SUCLA2: variants seen among roughly 807,000 people sequenced by gnomAD.
SUCLA2 encodes succinate-CoA ligase ADP-forming subunit beta, also known as succinate--CoA ligase [ADP-forming] subunit beta, mitochondrial.
In SUCLA2, 30 loss-of-function variants were observed where a neutral mutation model predicts 54.8. The ratio of observed to expected loss-of-function variants is 0.55; its 90% CI spans 0.41 to 0.74. SUCLA2 has a LOEUF of 0.74. Ranked by LOEUF, SUCLA2 falls within the 30% of genes least tolerant of loss-of-function variation. The pLI, the probability that SUCLA2 is intolerant of heterozygous loss-of-function variation, is 0.00. For missense variants in SUCLA2, 476 were observed against 562.9 expected (o/e 0.85, Z 1.56); for synonymous variants, 172 against 188.9 (o/e 0.91, Z 0.74).
chr13:47,946,734 C>T (rs1949735324), intron 10 of SUCLA2, among the ~76,000 whole-genome samples: 1 of 151,942 alleles, frequency 6.6e-6, no homozygotes, highest in African/African-American at 2.4e-5. Context: ...GATATAATTG[C>T]TTTCAGTAAT....
At chr13:47,995,177 A>G (rs1425570823) in intron 2 of SUCLA2, among the ~76,000 whole-genome samples, 2 of 152,124 alleles carry the variant, frequency 1.3e-5, no homozygotes, top group Non-Finnish European at 2.9e-5. Flanking sequence ...CAACATAGTG[A>G]CCCTATCTCT....
chr13:47,993,496 A>C (rs1446110016), intron 2 of SUCLA2, among the ~76,000 whole-genome samples: 1 of 152,114 alleles, frequency 6.6e-6, no homozygotes, highest in Non-Finnish European at 1.5e-5. Context: ...CCTAACCTCA[A>C]TTATTCACAG....
At chr13:47,946,442 A>C (rs1256796978) in intron 10 of SUCLA2, among the ~76,000 whole-genome samples, 2 of 151,976 alleles carry the variant, frequency 1.3e-5, no homozygotes, top group African/African-American at 4.8e-5. Context: ...AAACAAACAA[A>C]AAAAAAAGGT....
intron 8 of SUCLA2, among the ~76,000 whole-genome samples, chr13:47,949,989 C>A (rs1949763522): frequency 6.6e-6 from 1 of 152,242 alleles, no homozygotes; most frequent in Non-Finnish European, 1.5e-5. Context: ...ATCATTTCCT[C>A]ATTTATCCCT....
At position 47,974,282 on chromosome 13, in the gene SUCLA2, C is replaced by T. The variant is rs372399273; in HGVS notation, c.535-890G>A. ...GAAAGTCTAAGCTCTAGCCCTACTGCAAGACAATAAAAAAGAAAGCTGGCC... is the reference window on the plus strand; with the variant it reads ...GAAAGTCTAAGCTCTAGCCCTACTGTAAGACAATAAAAAAGAAAGCTGGCC... On this transcript the variant is annotated intron_variant, in intron 4 of 10. Transcript: ENST00000646932. Among the ~76,000 whole-genome samples, 4 of 151,946 alleles carry T rather than the reference C, an allele frequency of 2.6e-5. No individual in the cohort carries two copies. The East Asian group carries it at 7.7e-4, about 29-fold the overall frequency.
rs879851196 is a variant in SUCLA2 at position 47,960,704 on chromosome 13, T to TA, written c.803-6148dup. ...GTGACATTCATTTGAATTAAGTAGT[T>TA]AAAAAAAAAAAAGAGAGACTTTCTA... is the stretch of plus-strand genomic sequence containing the variant. On this transcript the variant is annotated intron_variant, in intron 6 of 10. Coordinates refer to ENST00000646932, the MANE Select transcript of SUCLA2 (RefSeq NM_003850.3). Among the ~76,000 whole-genome samples, 940 of 143,858 alleles carry TA rather than the reference T, an allele frequency of 6.5e-3. 7 individuals carry two copies. The highest frequency in any genetic ancestry group is 0.016 in the African/African-American group (623 of 39,458). The allele number at this position is 143,858 out of a possible 152,430, so 94.4% of individuals were successfully genotyped here.
chr13:47,957,430 T>C (rs1267688878), intron 6 of SUCLA2, among the ~76,000 whole-genome samples: 1 of 151,668 alleles, frequency 6.6e-6, no homozygotes, highest in Non-Finnish European at 1.5e-5. Flanking sequence ...GGGCAGGGAG[T>C]CTCAGAAGCC....
intron 4 of SUCLA2, among the ~76,000 whole-genome samples, chr13:47,973,738 C>T (rs549839499): frequency 6.6e-6 from 1 of 152,286 alleles, no homozygotes; most frequent in African/African-American, 2.4e-5. Context: ...GGCACATATA[C>T]CATGGAATAC....
intron 4 of SUCLA2, among the ~76,000 whole-genome samples, chr13:47,981,643 C>T (rs956835280): frequency 2.6e-5 from 4 of 152,174 alleles, no homozygotes; most frequent in Non-Finnish European, 5.9e-5. Flanking sequence ...TAGTGAAACC[C>T]TGTCTCTACT....
intron 10 of SUCLA2, among the ~76,000 whole-genome samples, chr13:47,948,170 A>C (rs1431910325): frequency 6.6e-6 from 1 of 152,146 alleles, no homozygotes; most frequent in African/African-American, 2.4e-5. Context: ...GAAAATAATC[A>C]CAGTTGTGGG....
intron 6 of SUCLA2, among the ~76,000 whole-genome samples, chr13:47,960,216 T>C (rs1366252396): frequency 6.6e-6 from 1 of 152,162 alleles, no homozygotes; most frequent in Non-Finnish European, 1.5e-5. Flanking sequence ...TGTATACATA[T>C]ATATAAAACC....
chr13:47,951,295 A>C (rs1949773230), intron 8 of SUCLA2, among the ~76,000 whole-genome samples: 2 of 151,652 alleles, frequency 1.3e-5, no homozygotes, highest in African/African-American at 2.4e-5. Context: ...TTCTTCTTAA[A>C]AGCCTCTAGT....
chr13:47,982,503 A>AG (rs1950067839), intron 4 of SUCLA2, among the ~76,000 whole-genome samples: 1 of 151,468 alleles, frequency 6.6e-6, no homozygotes, highest in Non-Finnish European at 1.5e-5. Flanking sequence ...AATTAAAGAA[A>AG]AAAAAAGATT....
At chr13:47,944,435 A>C (rs898823868) in intron 10 of SUCLA2, among the ~76,000 whole-genome samples, 2 of 152,162 alleles carry the variant, frequency 1.3e-5, no homozygotes, top group Non-Finnish European at 2.9e-5. Context: ...GATCTATTTG[A>C]TCAAGGTCCT....
At chr13:47,957,486 G>T (rs936522092) in intron 6 of SUCLA2, among the ~76,000 whole-genome samples, 2 of 152,152 alleles carry the variant, frequency 1.3e-5, no homozygotes, top group Non-Finnish European at 2.9e-5. Flanking sequence ...GTGAGTGTCA[G>T]TCTCTCTCTG....
intron 6 of SUCLA2, among the ~76,000 whole-genome samples, chr13:47,956,368 A>C (rs1234399518): frequency 6.6e-6 from 1 of 151,978 alleles, no homozygotes; most frequent in Non-Finnish European, 1.5e-5. Flanking sequence ...TGCAGGAAGA[A>C]AAAAAAAGAA....
intron 6 of SUCLA2, among the ~76,000 whole-genome samples, chr13:47,956,229 AC>A (rs1346822843): frequency 3.3e-5 from 5 of 152,242 alleles, no homozygotes; most frequent in Admixed American, 6.5e-5. Context: ...AGAGAATAAA[AC>A]AAGGGAACAA....
In SUCLA2 at chr13:47,970,076, T is replaced by G. The variant is rs1171185885; in HGVS notation, c.664-1343A>C. The stretch of plus-strand genomic sequence containing the variant: ...GAGATCACACCACTGCACTCCTGCC[T>G]GGGCGACAGAGTGAGACTCTGTCTC... On this transcript the variant is annotated intron_variant, in intron 5 of 10. Coordinates refer to ENST00000646932, the MANE Select transcript of SUCLA2 (RefSeq NM_003850.3). 2.7e-5 allele frequency among the ~76,000 whole-genome samples: 4 copies of G among 149,176 alleles called. No homozygotes were observed. The South Asian group carries it at 6.4e-4, about 24-fold the overall frequency.
chr13:47,984,711 G>A (rs1473734295), intron 4 of SUCLA2, among the ~76,000 whole-genome samples: 1 of 152,000 alleles, frequency 6.6e-6, no homozygotes, highest in Admixed American at 6.6e-5. Context: ...GGGAGGCGGA[G>A]GTTGCAGTGA....
Sources: allele counts gnomAD v4.1 joint callset (sites outside exome capture counted in the v4.1 genomes callset), GRCh38; gene constraint gnomAD v4.1.1; transcripts MANE v1.5; gene names NCBI Gene and HGNC (gene_info 2026-07-23, HGNC 2026-07-21).